MKLN1: variants seen among roughly 807,000 people sequenced by gnomAD.
MKLN1 encodes the protein muskelin.
MKLN1 carries 18 observed loss-of-function variants against 99.0 expected under a neutral mutation model. The observed-to-expected ratio is 0.18, with a 90% CI of 0.13 to 0.27. The LOEUF is 0.27. MKLN1 is among the 10% of genes least tolerant of loss of function. MKLN1 has a pLI of 1.00. For synonymous variants in MKLN1, 288 were observed against 293.2 expected, an observed-to-expected ratio of 0.98 and a Z score of 0.18; for missense variants, 621 against 875.9, an observed-to-expected ratio of 0.71 and a Z score of 3.67.
intron 3 of MKLN1, among the ~76,000 whole-genome samples, chr7:131,205,957 G>C (rs183596953): frequency 6.7e-6 from 1 of 148,166 alleles, no homozygotes; most frequent in Non-Finnish European, 1.5e-5. Context: ...GCAAAGGCAT[G>C]ATCTCTGCTC....
intron 1 of MKLN1, among the ~76,000 whole-genome samples, chr7:131,364,876 C>T (rs1180776478): frequency 6.6e-6 from 1 of 152,096 alleles, no homozygotes; most frequent in Admixed American, 6.5e-5. Context: ...TTTAGGTTGA[C>T]TCCATGTCTT....
chr7:131,275,559 ATATATATAT>A (rs1443012646), intron 3 of MKLN1, among the ~76,000 whole-genome samples: 1 of 14,476 alleles, frequency 6.9e-5, no homozygotes, highest in African/African-American at 4.3e-4. Flanking sequence ...ATATATATAT[ATATATATAT>A]TTTTTTTTTT....
At chr7:131,179,669 G>C (rs1220242578) in intron 2 of MKLN1, among the ~76,000 whole-genome samples, 4 of 150,874 alleles carry the variant, frequency 2.7e-5, no homozygotes, top group Non-Finnish European at 5.9e-5. Flanking sequence ...CCACCTCCTG[G>C]GTTCAAGCAA....
At chr7:131,370,874 G>A (rs1284243934) in intron 1 of MKLN1, among the ~76,000 whole-genome samples, 1 of 152,152 alleles carries the variant, frequency 6.6e-6, no homozygotes, top group Non-Finnish European at 1.5e-5. Flanking sequence ...TCTGAGCCTG[G>A]CCTCTGTAAC....
chr7:131,142,397 C>G (rs1205728972), intron 1 of MKLN1, among the ~76,000 whole-genome samples: 3 of 142,490 alleles, frequency 2.1e-5, no homozygotes, highest in Non-Finnish European at 4.6e-5. Flanking sequence ...GGTGACAGAG[C>G]GAGACTCCAT....
intron 8 of MKLN1, among the ~76,000 whole-genome samples, chr7:131,423,371 T>C (rs978693937): frequency 2.0e-5 from 3 of 152,296 alleles, no homozygotes; most frequent in Middle Eastern, 3.4e-3. Context: ...TCACTCTTGT[T>C]GTCCAGGCTG....
chr7:131,340,894 T>C (rs928166493), intron 1 of MKLN1, among the ~76,000 whole-genome samples: 6 of 152,216 alleles, frequency 3.9e-5, no homozygotes, highest in African/African-American at 1.4e-4. Context: ...AAATTGGTTA[T>C]ATCTAGGGTG....
chr7:131,232,444 T>C (rs932037835), intron 3 of MKLN1, among the ~76,000 whole-genome samples: 45 of 152,200 alleles, frequency 3.0e-4, no homozygotes, highest in African/African-American at 1.0e-3. Flanking sequence ...GTTTTATATA[T>C]ATAAACTGTT....
At chr7:131,184,440 C>T (rs1261228333) in intron 2 of MKLN1, among the ~76,000 whole-genome samples, 1 of 152,186 alleles carries the variant, frequency 6.6e-6, no homozygotes, top group Admixed American at 6.5e-5. Context: ...CACTGTCTCT[C>T]CCTGTCTTTA....
intron 3 of MKLN1, among the ~76,000 whole-genome samples, chr7:131,256,634 A>T (rs1259939557): frequency 1.3e-5 from 2 of 152,256 alleles, no homozygotes; most frequent in African/African-American, 4.8e-5. Context: ...CTATGAGAAA[A>T]GAATGAAATC....
At chr7:131,437,223 C>G (rs1795699785) in intron 9 of MKLN1, among the ~76,000 whole-genome samples, 1 of 152,092 alleles carries the variant, frequency 6.6e-6, no homozygotes, top group Admixed American at 6.5e-5. Flanking sequence ...ATCCCTCCCC[C>G]TGACCCCCAC....
At chr7:131,199,131 T>C (rs1367262602) in intron 2 of MKLN1, among the ~76,000 whole-genome samples, 1 of 152,004 alleles carries the variant, frequency 6.6e-6, no homozygotes, top group Non-Finnish European at 1.5e-5. Flanking sequence ...GGCAGGAGAA[T>C]CCCTTGAGTC....
At chr7:131,280,590 A>G (rs1798036235) in intron 3 of MKLN1, among the ~76,000 whole-genome samples, 1 of 151,892 alleles carries the variant, frequency 6.6e-6, no homozygotes, top group Non-Finnish European at 1.5e-5. Flanking sequence ...GGCCATTGGT[A>G]TATATTCTGT....
intron 3 of MKLN1, among the ~76,000 whole-genome samples, chr7:131,270,164 C>T (rs1363040542): frequency 6.6e-6 from 1 of 151,788 alleles, no homozygotes; most frequent in Non-Finnish European, 1.5e-5. Flanking sequence ...CTTCATGATC[C>T]ACCCGCCTCG....
At chr7:131,394,657 AAAT>A (rs1234955708) in intron 4 of MKLN1, among the ~76,000 whole-genome samples, 1 of 151,938 alleles carries the variant, frequency 6.6e-6, no homozygotes, top group Non-Finnish European at 1.5e-5. Flanking sequence ...TAGATGACAA[AAAT>A]ATATAAAAGT....
chr7:131,178,907 A>T (rs915297582), intron 2 of MKLN1, among the ~76,000 whole-genome samples: 8 of 151,888 alleles, frequency 5.3e-5, no homozygotes, highest in African/African-American at 1.9e-4. Context: ...GGTAACTGAT[A>T]TTTTTTTATT....
chr7:131,422,696 C>G (rs1261799059), intron 8 of MKLN1, among the ~76,000 whole-genome samples: 1 of 151,894 alleles, frequency 6.6e-6, no homozygotes, highest in Non-Finnish European at 1.5e-5. Context: ...ATATTAGAAA[C>G]TTAATAGTAC....
At chr7:131,159,840 T>C (rs1017160102) in intron 2 of MKLN1, among the ~76,000 whole-genome samples, 2 of 152,146 alleles carry the variant, frequency 1.3e-5, no homozygotes, top group African/African-American at 4.8e-5. Flanking sequence ...CCTGAGCACT[T>C]TACATATGTT....
intron 1 of MKLN1, among the ~76,000 whole-genome samples, chr7:131,356,300 G>A (rs1404820357): frequency 6.6e-6 from 1 of 151,916 alleles, no homozygotes; most frequent in Non-Finnish European, 1.5e-5. Context: ...CCTAGCTCCG[G>A]CTGCAACCAG....
Sources: allele counts gnomAD v4.1 joint callset (sites outside exome capture counted in the v4.1 genomes callset), GRCh38; gene constraint gnomAD v4.1.1; transcripts MANE v1.5; gene names NCBI Gene and HGNC (gene_info 2026-07-23, HGNC 2026-07-21).